FSTL4: variants seen among roughly 807,000 people sequenced by gnomAD.
FSTL4 encodes the protein follistatin-related protein 4.
In FSTL4, 28 loss-of-function variants were observed where a neutral mutation model predicts 78.2. That is an observed-to-expected ratio of 0.36 (90% CI 0.27 to 0.49). The LOEUF (loss-of-function observed/expected upper bound fraction) is 0.49, where lower values mean the gene tolerates loss of function less well. Among genes scored for constraint, FSTL4 ranks in the 20% least tolerant of loss-of-function variants. The pLI is 0.98. For synonymous variants in FSTL4, 422 were observed against 440.5 expected (o/e 0.96, Z 0.53); for missense variants, 922 against 1,084.9 (o/e 0.85, Z 2.11).
chr5:133,364,214 A>G (rs1283884443), intron 4 of FSTL4, among the ~76,000 whole-genome samples: 2 of 151,246 alleles, frequency 1.3e-5, no homozygotes, highest in Non-Finnish European at 1.5e-5. Flanking sequence ...TTCAAAGTGC[A>G]TCTTGAGCTA....
At chr5:133,403,436 C>G (rs564379788) in intron 3 of FSTL4, among the ~76,000 whole-genome samples, 2 of 152,310 alleles carry the variant, frequency 1.3e-5, no homozygotes, top group African/African-American at 4.8e-5. Flanking sequence ...AAGTGCCTGC[C>G]CTGCTCTGGC....
the FSTL4 span, among the ~76,000 whole-genome samples, chr5:133,617,802 T>C: frequency 1.3e-5 from 2 of 152,152 alleles, no homozygotes; most frequent in Non-Finnish European, 2.9e-5. Context: ...GAGGACAAAG[T>C]TCTTTCACAG....
In FSTL4 at chr5:133,570,202, G is replaced by A. The variant is rs376411340; in HGVS notation, c.127-2983C>T. Reference sequence around the variant, plus strand: ...CCAGCCTGGGAGACAGCGAGACTCCGTCTCAAAAAAAAAACAAAAAACAAG... The same window carrying A: ...CCAGCCTGGGAGACAGCGAGACTCCATCTCAAAAAAAAAACAAAAAACAAG... On this transcript the variant is annotated intron_variant, in intron 2 of 15. Coordinates refer to ENST00000265342, the MANE Select transcript of FSTL4 (RefSeq NM_015082.2). Among the ~76,000 whole-genome samples the A allele has an allele frequency of 2.4e-4, 36 of 149,900 alleles. No individual in the cohort carries two copies. The East Asian group carries it at 3.5e-3, about 15-fold the overall frequency.
At chr5:133,701,084 G>A in the FSTL4 span, among the ~76,000 whole-genome samples, 12 of 152,240 alleles carry the variant, frequency 7.9e-5, no homozygotes, top group South Asian at 2.3e-3. Context: ...GACTGCCCCA[G>A]GGGGACATTC....
chr5:133,660,090 G>T, the FSTL4 span, among the ~76,000 whole-genome samples: 11 of 152,232 alleles, frequency 7.2e-5, no homozygotes, highest in South Asian at 2.3e-3. Flanking sequence ...AGGCTTCATT[G>T]GTTTCTTTCA....
intron 3 of FSTL4, among the ~76,000 whole-genome samples, chr5:133,534,816 A>G (rs1759320005): frequency 6.6e-6 from 1 of 151,968 alleles, no homozygotes; most frequent in South Asian, 2.1e-4. Context: ...AATTGTCTTA[A>G]TCTCTTCACT....
the FSTL4 span, among the ~76,000 whole-genome samples, chr5:133,806,194 T>C: frequency 6.6e-6 from 1 of 152,196 alleles, no homozygotes; most frequent in Non-Finnish European, 1.5e-5. Context: ...CGGACGTCTG[T>C]GAAATCTAAT....
rs932682885 is a variant in FSTL4, at chr5:133,225,948, A to G, written c.1016-129T>C. 16 of 583,692 alleles carry G rather than the reference A, an allele frequency of 2.7e-5. No homozygotes were observed. In the Admixed American group the frequency reaches 4.3e-4, roughly 16 times the overall value. The allele number at this position is 583,692 out of a possible 1,614,324, so 36.2% of individuals were successfully genotyped here. A position where few individuals can be genotyped will look rare whatever the true frequency, so the allele number is the denominator to read the frequency against. On this transcript the variant is annotated intron_variant, in intron 8 of 15. Transcript: ENST00000265342. The surrounding 1 kb of genome is among the most constrained non-coding windows in gnomAD (Gnocchi z 4.6). ...GGTGACTGGAGTTCTGTGTTTAACC[A>G]AATTATAATAATCCTGTCCAGCAAC...
intron 4 of FSTL4, among the ~76,000 whole-genome samples, chr5:133,371,620 G>C (rs867471050): frequency 1.3e-5 from 2 of 152,228 alleles, no homozygotes; most frequent in South Asian, 4.1e-4. Flanking sequence ...GAATGTGTCA[G>C]ATGATTCATG....
intron 4 of FSTL4, among the ~76,000 whole-genome samples, chr5:133,351,122 T>C (rs1462228633): frequency 2.0e-5 from 3 of 152,218 alleles, no homozygotes; most frequent in African/African-American, 7.2e-5. Flanking sequence ...GCCCCTTTGC[T>C]GCATTTCCAG....
chr5:133,304,189 A>C (rs1489427859), intron 6 of FSTL4, among the ~76,000 whole-genome samples: 23 of 152,240 alleles, frequency 1.5e-4, no homozygotes. Context: ...TTATGAGGAC[A>C]ATATGGTGCT....
the FSTL4 span, among the ~76,000 whole-genome samples, chr5:133,770,856 T>C: frequency 6.6e-6 from 1 of 152,104 alleles, no homozygotes. Flanking sequence ...TTTTACAGTT[T>C]CAACTTATGT....
the FSTL4 span, among the ~76,000 whole-genome samples, chr5:133,834,486 A>G: frequency 1.3e-5 from 2 of 148,956 alleles, no homozygotes; most frequent in African/African-American, 4.9e-5. Context: ...TAATGCTGCC[A>G]TACATTATAT....
At chr5:133,596,120 T>G (rs1202357536) in intron 2 of FSTL4, among the ~76,000 whole-genome samples, 3 of 152,200 alleles carry the variant, frequency 2.0e-5, no homozygotes, top group African/African-American at 7.2e-5. Flanking sequence ...CCCAGGAGCC[T>G]AGAGAGCCGT....
At chr5:133,272,473 C>T (rs912166965) in intron 6 of FSTL4, among the ~76,000 whole-genome samples, 3 of 152,198 alleles carry the variant, frequency 2.0e-5, no homozygotes, top group African/African-American at 7.2e-5. Context: ...TTCTGGAGGC[C>T]CACAACTGAT....
At chr5:133,444,062 C>A (rs950507539) in intron 3 of FSTL4, among the ~76,000 whole-genome samples, 2 of 152,216 alleles carry the variant, frequency 1.3e-5, no homozygotes, top group African/African-American at 4.8e-5. Flanking sequence ...CCCACCATGG[C>A]ACATGGAGGG....
chr5:133,489,529 C>T (rs1232023565), intron 3 of FSTL4, among the ~76,000 whole-genome samples: 8 of 152,118 alleles, frequency 5.3e-5, no homozygotes, highest in Admixed American at 4.6e-4. Flanking sequence ...TAGCAGATAT[C>T]GCCTGTAACA....
At chr5:133,792,993 C>G in the FSTL4 span, among the ~76,000 whole-genome samples, 978 of 152,326 alleles carry the variant, frequency 6.4e-3, 16 homozygotes, top group African/African-American at 0.022. Context: ...CTTGCTGGCT[C>G]TGGCGGGTAG....
At chr5:133,619,549 C>T in the FSTL4 span, among the ~76,000 whole-genome samples, 263 of 152,274 alleles carry the variant, frequency 1.7e-3, 1 homozygote, top group African/African-American at 5.9e-3. Context: ...TGTCGAGATG[C>T]GTTTTGTACA....
Sources: allele counts gnomAD v4.1 joint callset (sites outside exome capture counted in the v4.1 genomes callset), GRCh38; gene constraint gnomAD v4.1.1; non-coding constraint Gnocchi (gnomAD v3.1); transcripts MANE v1.5; gene names NCBI Gene and HGNC (gene_info 2026-07-23, HGNC 2026-07-21).